Variants in LARGE1 observed in about 807,000 individuals in gnomAD.
LARGE1 encodes the protein xylosyl- and glucuronyltransferase LARGE1.
Under a neutral mutation model 87.6 loss-of-function variants are expected in LARGE1, and 43 were observed. The observed-to-expected ratio is 0.49, with a 90% CI of 0.38 to 0.63. The LOEUF (loss-of-function observed/expected upper bound fraction) is 0.63, where lower values mean the gene tolerates loss of function less well. LARGE1 is among the 30% of genes least tolerant of loss of function. The pLI is 0.00. For synonymous variants in LARGE1, 434 were observed against 394.6 expected, an observed-to-expected ratio of 1.10 and a Z score of -1.18; for missense variants, 802 against 1,000.2, an observed-to-expected ratio of 0.80 and a Z score of 2.67.
At chr22:33,519,545 T>C (rs983667502) in intron 6 of LARGE1, among the ~76,000 whole-genome samples, 4 of 151,992 alleles carry the variant, frequency 2.6e-5, no homozygotes, top group African/African-American at 7.2e-5. Context: ...AGGTTCCCTC[T>C]CAGGCTCCAG....
chr22:33,518,334 G>C (rs2071407349), intron 6 of LARGE1, among the ~76,000 whole-genome samples: 1 of 152,184 alleles, frequency 6.6e-6, no homozygotes, highest in African/African-American at 2.4e-5. Flanking sequence ...ATTTGTTTTT[G>C]TTTTGAGACA....
At position 33,844,970 on chromosome 22, in the gene LARGE1, G is replaced by A. The variant is rs143176059; in HGVS notation, c.-83+75025C>T. Among the ~76,000 whole-genome samples, 1,442 of 151,864 alleles carry A rather than the reference G, an allele frequency of 9.5e-3. 19 individuals are homozygous for A. Among genetic ancestry groups the A allele is most frequent in the African/African-American group, 0.032 (1,309 of 41,422 alleles). ...CCTGACCTCGTGAGCCACCCGCCTC[G>A]GCCTCCCAAAGTGCTGGGATTACAG... On this transcript the variant is annotated intron_variant, in intron 1 of 14. Coordinates refer to ENST00000397394, the MANE Select transcript of LARGE1 (RefSeq NM_133642.5).
intron 1 of LARGE1, among the ~76,000 whole-genome samples, chr22:33,829,031 G>A (rs1192035070): frequency 1.0e-5 from 1 of 97,068 alleles, no homozygotes; most frequent in African/African-American, 4.0e-5. Flanking sequence ...TTTTTTTTGA[G>A]AGAGTCTTGC....
At chr22:33,194,543 A>G (rs5998801) in intron 11 of LARGE1, among the ~76,000 whole-genome samples, 4,840 of 152,250 alleles carry the variant, frequency 0.032, 270 homozygotes, top group African/African-American at 0.11. Context: ...GGTTATATGA[A>G]ATATTTTTAG....
chr22:33,677,083 C>A (rs2081603972), intron 2 of LARGE1, among the ~76,000 whole-genome samples: 1 of 152,046 alleles, frequency 6.6e-6, no homozygotes, highest in Non-Finnish European at 1.5e-5. Context: ...TTGCACAGGG[C>A]CAGCCAGCTC....
chr22:33,633,066 C>T (rs1401984680), intron 3 of LARGE1, among the ~76,000 whole-genome samples: 1 of 152,130 alleles, frequency 6.6e-6, no homozygotes, highest in Non-Finnish European at 1.5e-5. Flanking sequence ...TGTCTTACAA[C>T]CTGCAGAAAA....
intron 11 of LARGE1, among the ~76,000 whole-genome samples, chr22:33,211,728 G>A (rs2097369): frequency 0.17 from 25,572 of 152,048 alleles, 2,308 homozygotes; most frequent in Middle Eastern, 0.3. Flanking sequence ...AGCCGAGATC[G>A]CGCCACTACA....
intron 1 of LARGE1, among the ~76,000 whole-genome samples, chr22:33,894,910 G>A (rs1024451547): frequency 1.4e-4 from 21 of 152,122 alleles, no homozygotes; most frequent in African/African-American, 4.6e-4. Flanking sequence ...AGCCAGTCCC[G>A]GAAGAGCTTA....
intron 1 of LARGE1, among the ~76,000 whole-genome samples, chr22:33,832,936 C>A (rs1231691084): frequency 2.0e-5 from 3 of 152,232 alleles, no homozygotes; most frequent in African/African-American, 7.2e-5. Context: ...ACGGGCCCAT[C>A]TGGTCTGAGG....
chr22:33,241,656 ATGTG>A (rs940211425), intron 11 of LARGE1, among the ~76,000 whole-genome samples: 10 of 151,774 alleles, frequency 6.6e-5, no homozygotes. Context: ...GTGTGTGTAT[ATGTG>A]TGTGTGTATG....
At chr22:33,067,204 T>C in the LARGE1 span, among the ~76,000 whole-genome samples, 2 of 152,038 alleles carry the variant, frequency 1.3e-5, no homozygotes, top group Admixed American at 6.6e-5. Flanking sequence ...GGAGTAAGCA[T>C]ACCATAATCA....
At chr22:33,663,954 TCCAATCTG>T (rs1291957901) in intron 2 of LARGE1, among the ~76,000 whole-genome samples, 1 of 152,056 alleles carries the variant, frequency 6.6e-6, no homozygotes, top group Non-Finnish European at 1.5e-5. Flanking sequence ...GGAACCCTTC[TCCAATCTG>T]CCCAGGGTGA....
At chr22:33,881,958 C>G (rs918958945) in intron 1 of LARGE1, among the ~76,000 whole-genome samples, 3 of 151,890 alleles carry the variant, frequency 2.0e-5, no homozygotes, top group African/African-American at 7.3e-5. Context: ...AGCACTTTAA[C>G]AGAGGAGAGG....
chr22:33,223,740 G>C (rs1347760917), intron 11 of LARGE1, among the ~76,000 whole-genome samples: 2 of 152,176 alleles, frequency 1.3e-5, no homozygotes, highest in Non-Finnish European at 2.9e-5. Flanking sequence ...AACCGTACTT[G>C]TTATACACTT....
intron 1 of LARGE1, among the ~76,000 whole-genome samples, chr22:33,871,982 C>CAAAAAGA (rs2064298688): frequency 1.2e-5 from 1 of 86,814 alleles, no homozygotes; most frequent in South Asian, 4.1e-4. Context: ...TCTAAATCAG[C>CAAAAAGA]AAAAAAAAAA....
At chr22:33,406,604 C>G (rs921575115) in intron 7 of LARGE1, among the ~76,000 whole-genome samples, 4 of 152,174 alleles carry the variant, frequency 2.6e-5, no homozygotes, top group Admixed American at 2.0e-4. Flanking sequence ...CGAGACGACC[C>G]TCTGCCACAC....
intron 1 of LARGE1, among the ~76,000 whole-genome samples, chr22:33,809,250 G>GAC (rs1383285540): frequency 7.1e-6 from 1 of 140,298 alleles, no homozygotes; most frequent in African/African-American, 2.6e-5. Flanking sequence ...CCAGCCTGGT[G>GAC]ACAGAGTGAG....
intron 7 of LARGE1, among the ~76,000 whole-genome samples, chr22:33,392,155 T>C (rs993487718): frequency 1.3e-5 from 2 of 151,660 alleles, no homozygotes; most frequent in Non-Finnish European, 2.9e-5. Flanking sequence ...CTTCTTCTTT[T>C]TTTTTTTTTT....
chr22:33,134,330 C>T, the LARGE1 span, among the ~76,000 whole-genome samples: 1 of 148,978 alleles, frequency 6.7e-6, no homozygotes, highest in Non-Finnish European at 1.5e-5. Context: ...GCAATCTCTG[C>T]TCACTGCAAG....
Sources: allele counts gnomAD v4.1 joint callset (sites outside exome capture counted in the v4.1 genomes callset), GRCh38; gene constraint gnomAD v4.1.1; transcripts MANE v1.5; gene names NCBI Gene and HGNC (gene_info 2026-07-23, HGNC 2026-07-21).